MCCC2: variants seen among roughly 807,000 people sequenced by gnomAD.
MCCC2 encodes the protein methylcrotonyl-CoA carboxylase subunit 2.
A neutral mutation model predicts 77.2 loss-of-function variants in MCCC2; 52 were observed. The ratio of observed to expected loss-of-function variants is 0.67; its 90% CI spans 0.54 to 0.85. MCCC2 has a LOEUF of 0.85. Ranked by LOEUF, MCCC2 falls within the 40% of genes least tolerant of loss-of-function variation. The pLI is 0.00. For synonymous variants in MCCC2, 253 were observed against 248.4 expected (o/e 1.02, Z -0.18); for missense variants, 682 against 703.2 (o/e 0.97, Z 0.34).
At chr5:71,633,326 G>T (rs277983) in intron 8 of MCCC2, among the ~76,000 whole-genome samples, 2 of 150,886 alleles carry the variant, frequency 1.3e-5, no homozygotes, top group Admixed American at 1.3e-4. Context: ...ATTATGTTAA[G>T]GGTGTAGATT....
At chr5:71,602,982 G>A (rs1223743905) in intron 5 of MCCC2, 1 of 250,862 alleles carries the variant, frequency 4.0e-6, no homozygotes, top group African/African-American at 2.3e-5. Flanking sequence ...TGAGTGCCAG[G>A]TACTGAGTTA....
chr5:71,635,823 T>C (rs1746908087), intron 10 of MCCC2: 1 of 166,118 alleles, frequency 6.0e-6, no homozygotes, highest in African/African-American at 2.4e-5. Flanking sequence ...TAGGAAATTA[T>C]CTTAATATCA....
intron 6 of MCCC2, among the ~76,000 whole-genome samples, chr5:71,611,546 A>G (rs927481094): frequency 1.3e-5 from 2 of 152,250 alleles, no homozygotes; most frequent in Admixed American, 6.5e-5. Flanking sequence ...ATCTGTCAAT[A>G]TAAGTCTCAA....
At chr5:71,596,667 T>C (rs187066900) in intron 3 of MCCC2, among the ~76,000 whole-genome samples, 1 of 152,030 alleles carries the variant, frequency 6.6e-6, no homozygotes, top group Admixed American at 6.6e-5. Flanking sequence ...TCTGGCTGGG[T>C]GTGGTGGCTC....
At chr5:71,603,550 T>A (rs945671554) in intron 5 of MCCC2, among the ~76,000 whole-genome samples, 4 of 152,206 alleles carry the variant, frequency 2.6e-5, no homozygotes, top group Non-Finnish European at 5.9e-5. Flanking sequence ...TTTGTGTTTT[T>A]CTGTGAAGTT....
At chr5:71,600,555 T>C (rs562751033) in intron 4 of MCCC2, among the ~76,000 whole-genome samples, 6 of 152,212 alleles carry the variant, frequency 3.9e-5, no homozygotes, top group African/African-American at 1.4e-4. Flanking sequence ...CCTCCCAAAG[T>C]GCTGGGATCA....
rs138725621 is a variant in MCCC2 at position 71,652,791 on chromosome 5, C to G, written c.1574+37C>G. ...AACATCACTAACTCTCTGATGGGTG[C>G]AGATGGCAGTCAGAGGAACAGCTTT... is the stretch of plus-strand genomic sequence containing the variant. On this transcript the variant is annotated intron_variant, in intron 16 of 16. Transcript: ENST00000340941. The G allele has an allele frequency of 0.014, 22,294 of 1,550,190 alleles. 236 individuals carry two copies. The highest frequency in any genetic ancestry group is 0.023 in the Middle Eastern group (138 of 5,874).
At chr5:71,598,515 C>A (rs893680499) in intron 3 of MCCC2, among the ~76,000 whole-genome samples, 1 of 151,840 alleles carries the variant, frequency 6.6e-6, no homozygotes. Context: ...TCTCAGCTCA[C>A]TGAAACCTCT....
intron 10 of MCCC2, among the ~76,000 whole-genome samples, 154 bp from the exon 11 acceptor site, chr5:71,640,849 G>T (rs545612803): frequency 2.6e-5 from 4 of 152,316 alleles, no homozygotes; most frequent in African/African-American, 9.6e-5. Flanking sequence ...CATTAACCAG[G>T]CATGTCAAAT....
intron 2 of MCCC2, among the ~76,000 whole-genome samples, chr5:71,594,442 T>A (rs1745096492): frequency 6.6e-6 from 1 of 151,006 alleles, no homozygotes; most frequent in Non-Finnish European, 1.5e-5. Flanking sequence ...GCAGGAGAAT[T>A]GTTTGAACCT....
rs1189203114 is a variant in MCCC2, at chr5:71,602,883, T to G, written c.511+250T>G. 1.1e-5 allele frequency: 5 copies of G among 447,068 alleles called. No individual in the cohort carries two copies. The East Asian group carries it at 1.3e-4, about 11-fold the overall frequency. The allele number at this position is 447,068 out of a possible 1,614,324, so 27.7% of individuals were successfully genotyped here. On this transcript the variant is annotated intron_variant, in intron 5 of 16. Transcript: ENST00000340941. The stretch of plus-strand genomic sequence containing the variant: ...TTTTTTTCTCTATGTGTTGTGTGGT[T>G]TTTTTTTTTTGTTCTCTAGATCCTG...
rs535620228 is a variant in MCCC2, at chr5:71,612,047, G to A, written c.624+7579G>A. ...TCGTGATCTGCCGACCTCGTGATCC[G>A]CCCGCCTCGGCCTCCCAAAGTGCTG... On this transcript the variant is annotated intron_variant, in intron 6 of 16. Coordinates refer to ENST00000340941, the MANE Select transcript of MCCC2 (RefSeq NM_022132.5). 1.3e-4 allele frequency among the ~76,000 whole-genome samples: 19 copies of A among 152,000 alleles called. 1 individual carries two copies. The highest frequency in any genetic ancestry group is 2.0e-4 in the Admixed American group (3 of 15,254).
chr5:71,646,414 C>A, intron 13 of MCCC2, 137 bp downstream of exon 13: 2 of 746,860 alleles, frequency 2.7e-6, no homozygotes, highest in South Asian at 1.5e-5. Context: ...TTTCTGGAGG[C>A]CCTTTAAGAG....
intron 6 of MCCC2, among the ~76,000 whole-genome samples, chr5:71,626,000 C>T (rs1746518782): frequency 6.6e-6 from 1 of 152,002 alleles, no homozygotes; most frequent in Non-Finnish European, 1.5e-5. Context: ...TTCTTTGTAC[C>T]ATCCTAATTT....
chr5:71,641,096 A>C, intron 11 of MCCC2, 21 bp downstream of exon 11: 1 of 1,597,924 alleles, frequency 6.3e-7, no homozygotes, highest in Non-Finnish European at 8.6e-7. Context: ...GAAGAATTGA[A>C]AATACGAACA....
At chr5:71,646,812 A>G (rs898736802) in intron 13 of MCCC2, among the ~76,000 whole-genome samples, 2 of 152,232 alleles carry the variant, frequency 1.3e-5, no homozygotes, top group African/African-American at 4.8e-5. Flanking sequence ...TGCAGAGAGC[A>G]TCATGCTTTT....
At chr5:71,590,227 T>C (rs1307130942) in intron 1 of MCCC2, among the ~76,000 whole-genome samples, 1 of 152,190 alleles carries the variant, frequency 6.6e-6, no homozygotes, top group East Asian at 1.9e-4. Flanking sequence ...GCCACTAAAC[T>C]ACACTGCCTC....
chr5:71,654,027 T>C (rs1466203387), intron 16 of MCCC2, among the ~76,000 whole-genome samples: 7 of 152,178 alleles, frequency 4.6e-5, no homozygotes, highest in Non-Finnish European at 1.0e-4. Context: ...AGACAGAGTC[T>C]CACTCTGTTG....
Position 71,650,100 on chromosome 5 carries a change from C to T in MCCC2, c.1405C>T (p.Arg469Cys), listed in dbSNP as rs1355206591. 25 of 1,614,004 alleles carry T rather than the reference C, an allele frequency of 1.5e-5. No individual in the cohort carries two copies. Among genetic ancestry groups the T allele is most frequent in the Admixed American group, 3.3e-5 (2 of 60,000 alleles). The change falls in exon 15 of 17, where the codon CGT becomes TGT. Residue 469 changes from arginine (R) to cysteine (C), a missense_variant. Transcript: ENST00000340941. ...ATTTCTCTACATTTGGCCAAATGCTCGTATCTCAGTGATGGGAGGAGAGCA... is the reference window on the plus strand; with the variant it reads ...ATTTCTCTACATTTGGCCAAATGCTTGTATCTCAGTGATGGGAGGAGAGCA... ...PRFLYIWPNA[R>C]ISVMGGEQAA...
Sources: gnomAD v4.1 joint callset for allele counts (sites outside exome capture counted in the v4.1 genomes callset) on GRCh38, gnomAD v4.1.1 for gene constraint, MANE v1.5 for transcripts, NCBI Gene and HGNC (gene_info 2026-07-23, HGNC 2026-07-21) for gene names.